The following METTL13 variants were observed in gnomAD, a reference collection of about 807,000 sequenced individuals.
METTL13 encodes the protein methyltransferase 13, eEF1A N-terminus and K55.
Under a neutral mutation model 67.4 loss-of-function variants are expected in METTL13, and 52 were observed. The observed-to-expected ratio is 0.77, with a 90% CI of 0.62 to 0.97. METTL13 has a LOEUF of 0.97. METTL13 is among the 50% of genes least tolerant of loss of function. METTL13 has a pLI of 0.00. For missense variants in METTL13, 825 were observed against 889.6 expected, an observed-to-expected ratio of 0.93 and a Z score of 0.92; for synonymous variants, 354 against 353.6, an observed-to-expected ratio of 1.00 and a Z score of -0.01.
In METTL13 at chr1:171,792,372, ATATACT is replaced by A. The variant is rs1480188819; in HGVS notation, c.1693+141_1693+146del. On this transcript the variant is annotated intron_variant, in intron 6 of 7. Coordinates refer to ENST00000361735, the MANE Select transcript of METTL13 (RefSeq NM_015935.5). ...CAGTCTTCAGCCTGTTCATTTGTTG[ATATACT>A]TATTCACTAGAGTACCAGCTATATG... 7.3e-6 allele frequency: 7 copies of A among 954,850 alleles called. No individual in the cohort carries two copies. In the African/African-American group the frequency reaches 8.2e-5, roughly 11 times the overall value. 59.1% of individuals were successfully genotyped at this position (954,850 alleles called of 1,614,324 possible). A position where few individuals can be genotyped will look rare whatever the true frequency, so the allele number is the denominator to read the frequency against.
Position 171,781,987 on chromosome 1 carries a change from G to A in METTL13, c.20G>A (p.Ser7Asn). The stretch of plus-strand genomic sequence containing the variant: ...AGGAACATGAACCTCTTACCTAAAA[G>A]TTCCAGGGAGTTTGGCTCCGTTGAC... MNLLPK[S>N]SREFGSVDYW... Residue 7 changes from serine to asparagine, a missense_variant, in exon 1 of 8, where the codon AGT (serine) becomes AAT (asparagine). By Grantham distance (46) the Ser-to-Asn change is conservative (BLOSUM62 1). Coordinates refer to ENST00000361735, the MANE Select transcript of METTL13 (RefSeq NM_015935.5). The A allele has an allele frequency of 6.2e-7, 1 of 1,614,164 alleles. No homozygotes were observed. The highest frequency in any genetic ancestry group is 8.5e-7 in the Non-Finnish European group (1 of 1,180,026).
At position 171,784,105 on chromosome 1, in the gene METTL13, C is replaced by T; in HGVS notation, c.519C>T (p.His173=). The T allele has an allele frequency of 1.9e-6, 3 of 1,614,236 alleles. No individual in the cohort carries two copies. In the South Asian group the frequency reaches 3.3e-5, roughly 18 times the overall value. ...QAHILKKAVG[H]FSREGWMVRV... is the part of the protein sequence containing the mutation. ...ACATCCTGAAGAAAGCAGTGGGCCA[C>T]TTCTCCCGGGAGGGGTGGATGGTGA... Residue 173 remains histidine, a synonymous_variant, in exon 2 of 8, where the codon CAC becomes CAT. Coordinates refer to ENST00000361735, the MANE Select transcript of METTL13 (RefSeq NM_015935.5).
intron 3 of METTL13, 56 bp downstream of exon 3, chr1:171,786,134 G>T: frequency 6.5e-7 from 1 of 1,530,372 alleles, no homozygotes; most frequent in Non-Finnish European, 8.8e-7. Context: ...TAGCAGCCAG[G>T]GAGGCAGAGG....
rs142114401 is a variant in METTL13, at chr1:171,786,347, C to A, written c.1113+269C>A. ...ATGGAAATGCTCTACTCATTGCGGG[C>A]TTCAGTTCTTCCTAATTTGAGTTGC... is the stretch of plus-strand genomic sequence containing the variant. On this transcript the variant is annotated intron_variant, in intron 3 of 7. Transcript: ENST00000361735. 3.0e-3 allele frequency among the ~76,000 whole-genome samples: 452 copies of A among 152,298 alleles called. 2 individuals carry two copies. Among genetic ancestry groups the A allele is most frequent in the African/African-American group, 0.01 (422 of 41,560 alleles).
chr1:171,797,081 A>G lies in METTL13; in HGVS notation c.*325A>G. The G allele has an allele frequency of 3.5e-6, 1 of 287,562 alleles. No homozygotes were observed. 17.8% of individuals were successfully genotyped at this position (287,562 alleles called of 1,614,324 possible). A position where few individuals can be genotyped will look rare whatever the true frequency, so the allele number is the denominator to read the frequency against. Reference sequence around the variant, plus strand: ...GTGCAAGCCCCTCAGAACTCAAGACATCCAAATTTTATTGCGTCTCTACTT... The same window carrying G: ...GTGCAAGCCCCTCAGAACTCAAGACGTCCAAATTTTATTGCGTCTCTACTT... On this transcript the variant is annotated 3_prime_UTR_variant, in exon 8 of 8. Transcript: ENST00000361735.
chr1:171,784,046 G>A lies in METTL13; in HGVS notation c.460G>A (p.Gly154Ser), dbSNP rs1342110346. Residue 154 changes from glycine (G) to serine (S), a missense_variant, in exon 2 of 8, where the codon GGT becomes AGT. Gly to Ser is a moderately conservative substitution (Grantham distance 56). Coordinates refer to ENST00000361735, the MANE Select transcript of METTL13 (RefSeq NM_015935.5). ...GGTTGGCCGTGTCCTGCAGGTGGGC[G>A]GTCGCTATCTCTGCATCTCCCTGGC... is the stretch of plus-strand genomic sequence containing the variant. Reference protein sequence around the residue: ...AEVGRVLQVGGRYLCISLAQA... With the variant: ...AEVGRVLQVGSRYLCISLAQA... 2.5e-6 allele frequency: 4 copies of A among 1,614,162 alleles called. No individual in the cohort carries two copies. The highest frequency in any genetic ancestry group is 3.4e-6 in the Non-Finnish European group (4 of 1,180,016).
chr1:171,797,029 G>GAT lies in METTL13; in HGVS notation c.*273_*274insAT. 2.3e-6 allele frequency: 1 copy of GAT among 432,906 alleles called. No individual in the cohort carries two copies. The highest frequency in any genetic ancestry group is 4.3e-6 in the Non-Finnish European group (1 of 234,000). 26.8% of individuals were successfully genotyped at this position (432,906 alleles called of 1,614,324 possible). On this transcript the variant is annotated 3_prime_UTR_variant, in exon 8 of 8. Transcript: ENST00000361735. ...GTGGAGTTCCCTGCTGAAGCCCCTA[G>GAT]CACACACTGCATGCCTTAACAAGTG...
chr1:171,785,924 G>A lies in METTL13; in HGVS notation c.959G>A (p.Gly320Asp). ...ETEWLFGMDE[G>D]RKQLAASAGF... Reference sequence around the variant, plus strand: ...GAGTGGCTCTTTGGCATGGATGAGGGCCGGAAACAGCTGGCGGCCAGTGCT... The same window carrying A: ...GAGTGGCTCTTTGGCATGGATGAGGACCGGAAACAGCTGGCGGCCAGTGCT... Residue 320 changes from glycine to aspartate, a missense_variant, in exon 3 of 8, where the codon GGC becomes GAC. Physicochemically the swap from Gly to Asp is moderately conservative, Grantham distance 94. Coordinates refer to ENST00000361735, the MANE Select transcript of METTL13 (RefSeq NM_015935.5). 1 of 1,613,662 alleles carries A rather than the reference G, an allele frequency of 6.2e-7. No individual in the cohort carries two copies.
chr1:171,781,997 G>A lies in METTL13; in HGVS notation c.30G>A (p.Glu10=). 6.2e-7 allele frequency: 1 copy of A among 1,614,174 alleles called. No individual in the cohort carries two copies. The highest frequency in any genetic ancestry group is 8.5e-7 in the Non-Finnish European group (1 of 1,180,028). Residue 10 remains glutamate (E), a synonymous_variant, in exon 1 of 8, where the codon GAG becomes GAA. Coordinates refer to ENST00000361735, the MANE Select transcript of METTL13 (RefSeq NM_015935.5). MNLLPKSSR[E]FGSVDYWEKF... is the part of the protein sequence containing the mutation. ...ACCTCTTACCTAAAAGTTCCAGGGA[G>A]TTTGGCTCCGTTGACTATTGGGAGA...
At chr1:171,785,369 A>G (rs1350832467) in intron 2 of METTL13, among the ~76,000 whole-genome samples, 2 of 152,192 alleles carry the variant, frequency 1.3e-5, no homozygotes, top group Admixed American at 6.5e-5. Context: ...GTGTGGAAAT[A>G]AATAGTGCAG....
Position 171,781,900 on chromosome 1 carries a change from C to T in METTL13, c.-68C>T. ...TGTCCCGGAGCCTGCGTGTGGTGGG[C>T]AAGCTCCTCAAATGGTATCTCACAG... On this transcript the variant is annotated 5_prime_UTR_variant, in exon 1 of 8. An upstream open reading frame in the 5' UTR gains an earlier in-frame stop. Transcript: ENST00000361735. 5.0e-6 allele frequency: 8 copies of T among 1,586,738 alleles called. No homozygotes were observed. Among genetic ancestry groups the T allele is most frequent in the South Asian group, 2.3e-5 (2 of 87,402 alleles).
In METTL13 at chr1:171,794,511, C is replaced by A; in HGVS notation, c.1809C>A (p.Ser603Arg). ...AATCTTTTCTACAGAAGGTTAAAAG[C>A]ATCTTGACTCCTGAAGGTATGGAGA... ...VEQSFLQKVKSILTPEGVFIL... is the reference protein window; with the variant it reads ...VEQSFLQKVKRILTPEGVFIL... Residue 603 changes from serine (S) to arginine (R), a missense_variant, in exon 7 of 8, where the codon AGC (serine) becomes AGA (arginine). Physicochemically the swap from Ser to Arg is moderately radical, Grantham distance 110 (BLOSUM62 -1). Transcript: ENST00000361735. 1 of 1,614,206 alleles carries A rather than the reference C, an allele frequency of 6.2e-7. No homozygotes were observed. Among genetic ancestry groups the A allele is most frequent in the Non-Finnish European group, 8.5e-7 (1 of 1,180,036 alleles).
At chr1:171,788,166 T>C (rs543037069) in intron 4 of METTL13, among the ~76,000 whole-genome samples, 2 of 152,318 alleles carry the variant, frequency 1.3e-5, no homozygotes, top group South Asian at 4.1e-4. Context: ...CACATTAATG[T>C]CTTCGGTTTA....
rs370263614 is a variant in METTL13, at chr1:171,784,284, C to G, written c.698C>G (p.Pro233Arg). The G allele has an allele frequency of 1.2e-6, 2 of 1,613,046 alleles. No homozygotes were observed. The highest frequency in any genetic ancestry group is 2.2e-5 in the East Asian group (1 of 44,856). ...FELCAQEQRK[P>R]VRLESAERLA... is the part of the protein sequence containing the mutation. ...CTGTGTGCTCAGGAGCAGCGCAAGC[C>G]TGTGCGGCTGGAGAGTGCCGAGCGG... Residue 233 changes from proline to arginine, a missense_variant, in exon 2 of 8, where the codon CCT becomes CGT. Pro to Arg is a moderately radical substitution (Grantham distance 103). Coordinates refer to ENST00000361735, the MANE Select transcript of METTL13 (RefSeq NM_015935.5).
rs535421855 is a variant in METTL13 at position 171,783,690 on chromosome 1, C to T, written c.154-50C>T. The T allele has an allele frequency of 1.8e-5, 28 of 1,551,762 alleles. 1 individual carries two copies. In the South Asian group the frequency reaches 2.5e-4, roughly 14 times the overall value. ...TTGATTCCTTGAAGTACCTGAAGTA[C>T]AGTCCTTTGCTTTGATTACCTCCCT... On this transcript the variant is annotated intron_variant, in intron 1 of 7. Coordinates refer to ENST00000361735, the MANE Select transcript of METTL13 (RefSeq NM_015935.5).
At chr1:171,786,605 T>A (rs927994207) in intron 3 of METTL13, among the ~76,000 whole-genome samples, 2 of 152,202 alleles carry the variant, frequency 1.3e-5, no homozygotes, top group African/African-American at 4.8e-5. Context: ...CTGGTCACCA[T>A]GGGTAACGAA....
Position 171,786,016 on chromosome 1 carries a change from C to G in METTL13, c.1051C>G (p.Gln351Glu). 1 of 1,613,980 alleles carries G rather than the reference C, an allele frequency of 6.2e-7. No homozygotes were observed. The highest frequency in any genetic ancestry group is 8.5e-7 in the Non-Finnish European group (1 of 1,179,936). Residue 351 changes from glutamine to glutamate, a missense_variant, in exon 3 of 8, where the codon CAA (glutamine) becomes GAA (glutamate). Physicochemically the swap from Gln to Glu is conservative, Grantham distance 29. Coordinates refer to ENST00000361735, the MANE Select transcript of METTL13 (RefSeq NM_015935.5). ...GQQYESMDHI[Q>E]AELSARVMEL... ...GCAGTATGAAAGCATGGACCACATC[C>G]AAGCTGAGCTGTCGGCTAGAGTCAT...
intron 5 of METTL13, among the ~76,000 whole-genome samples, chr1:171,791,262 G>C (rs1657195836): frequency 6.6e-6 from 1 of 152,178 alleles, no homozygotes; most frequent in African/African-American, 2.4e-5. Flanking sequence ...TGGTGGCTGT[G>C]CTCTGTGCTT....
At chr1:171,788,604 C>T (rs1399628644) in intron 4 of METTL13, among the ~76,000 whole-genome samples, 1 of 152,176 alleles carries the variant, frequency 6.6e-6, no homozygotes, top group African/African-American at 2.4e-5. Context: ...CCAGCTGTCA[C>T]TCAGAAACTC....
Sources: allele counts gnomAD v4.1 joint callset (sites outside exome capture counted in the v4.1 genomes callset), GRCh38; gene constraint gnomAD v4.1.1; transcripts MANE v1.5; gene names NCBI Gene and HGNC (gene_info 2026-07-23, HGNC 2026-07-21).